PCDHGB6: variants seen among roughly 807,000 people sequenced by gnomAD.
PCDHGB6 encodes the protein protocadherin gamma subfamily B, 6.
A neutral mutation model predicts 59.1 loss-of-function variants in PCDHGB6; 51 were observed. That is an observed-to-expected ratio of 0.86 (90% CI 0.69 to 1.09). The LOEUF (loss-of-function observed/expected upper bound fraction) is 1.09, where lower values mean the gene tolerates loss of function less well. PCDHGB6 is among the 50% of genes least tolerant of loss of function. The pLI is 0.00. For synonymous variants in PCDHGB6, 466 were observed against 495.1 expected, an observed-to-expected ratio of 0.94 and a Z score of 0.78; for missense variants, 1,148 against 1,205.1, an observed-to-expected ratio of 0.95 and a Z score of 0.70.
chr5:141,487,670 T>A lies in PCDHGB6; in HGVS notation c.2419-7137T>A. The A allele has an allele frequency of 6.2e-7, 1 of 1,612,302 alleles. No homozygotes were observed. Among genetic ancestry groups the A allele is most frequent in the Non-Finnish European group, 8.5e-7 (1 of 1,179,082 alleles). ...TGAGGGTTATTCTGATCCAGGCATA[T>A]GGCTAGGCCATGTCCTAGAGAGTAC... On this transcript the variant is annotated intron_variant, in intron 1 of 3. Transcript: ENST00000520790. This position sits in a 1 kb window ranked among gnomAD's most constrained non-coding sequence, Gnocchi z 5.0.
At position 141,431,782 on chromosome 5, in the gene PCDHGB6, C is replaced by A. The variant is rs767269112; in HGVS notation, c.2418+21162C>A. The A allele has an allele frequency of 6.2e-7, 1 of 1,614,082 alleles. No homozygotes were observed. On this transcript the variant is annotated intron_variant, in intron 1 of 3. Transcript: ENST00000520790. This position sits in a 1 kb window ranked among gnomAD's most constrained non-coding sequence, Gnocchi z 4.8. Reference sequence around the variant, plus strand: ...TCCTGATCACTGTTCTGGACGTGAACGACAATGCCCCAGAAGTGGTCCTCA... The same window carrying A: ...TCCTGATCACTGTTCTGGACGTGAAAGACAATGCCCCAGAAGTGGTCCTCA...
rs2099748179 is a variant in PCDHGB6 at position 141,493,421 on chromosome 5, T to G, written c.2419-1386T>G. Among the ~76,000 whole-genome samples the G allele has an allele frequency of 6.6e-6, 1 of 152,182 alleles. No individual in the cohort carries two copies. Among genetic ancestry groups the G allele is most frequent in the South Asian group, 2.1e-4 (1 of 4,830 alleles). On this transcript the variant is annotated intron_variant, in intron 1 of 3. Coordinates refer to ENST00000520790, the MANE Select transcript of PCDHGB6 (RefSeq NM_018926.3). The surrounding 1 kb of genome is among the most constrained non-coding windows in gnomAD (Gnocchi z 4.3). Reference sequence around the variant, plus strand: ...GGAGTTGCCTCTGCTGGGATTTTGCTTCTGCTGGGATGGGGCAAGGGTGGG... The same window carrying G: ...GGAGTTGCCTCTGCTGGGATTTTGCGTCTGCTGGGATGGGGCAAGGGTGGG...
chr5:141,470,768 G>T (rs2099239559), intron 1 of PCDHGB6, among the ~76,000 whole-genome samples: 1 of 152,142 alleles, frequency 6.6e-6, no homozygotes, highest in South Asian at 2.1e-4. Context: ...ACTCACTACA[G>T]TCTTGAATTC....
At position 141,431,363 on chromosome 5, in the gene PCDHGB6, C is replaced by T. The variant is rs765751691; in HGVS notation, c.2418+20743C>T. On this transcript the variant is annotated intron_variant, in intron 1 of 3. Transcript: ENST00000520790. The surrounding 1 kb of genome is among the most constrained non-coding windows in gnomAD (Gnocchi z 4.8). The stretch of plus-strand genomic sequence containing the variant: ...ATTGGTGCTGAAACGCGCCCTGGAC[C>T]GCGAAGAAAAGGCTGCTCACCACCT... 1 of 1,614,024 alleles carries T rather than the reference C, an allele frequency of 6.2e-7. No homozygotes were observed. The highest frequency in any genetic ancestry group is 2.2e-5 in the East Asian group (1 of 44,882).
Position 141,431,051 on chromosome 5 carries a change from G to C in PCDHGB6, c.2418+20431G>C, listed in dbSNP as rs1280440001. On this transcript the variant is annotated intron_variant, in intron 1 of 3. Coordinates refer to ENST00000520790, the MANE Select transcript of PCDHGB6 (RefSeq NM_018926.3). This position sits in a 1 kb window ranked among gnomAD's most constrained non-coding sequence, Gnocchi z 4.8. ...GATAGACCGGGAGGAGCTCTGTATGGGGGCCATCAAGTGTCAATTAAATCT... is the reference window on the plus strand; with the variant it reads ...GATAGACCGGGAGGAGCTCTGTATGCGGGCCATCAAGTGTCAATTAAATCT... 3 of 1,614,218 alleles carry C rather than the reference G, an allele frequency of 1.9e-6. No homozygotes were observed. Among genetic ancestry groups the C allele is most frequent in the East Asian group, 2.2e-5 (1 of 44,886 alleles).
At chr5:141,418,946 G>A in intron 1 of PCDHGB6, 3 of 1,614,018 alleles carry the variant, frequency 1.9e-6, no homozygotes, top group South Asian at 1.1e-5. Flanking sequence ...TTCCCCTCCA[G>A]GAGTGGTTGT....
intron 2 of PCDHGB6, among the ~76,000 whole-genome samples, chr5:141,495,521 C>G (rs1385879589): frequency 6.6e-6 from 1 of 152,144 alleles, no homozygotes; most frequent in Non-Finnish European, 1.5e-5. Flanking sequence ...TTTCTCTTAC[C>G]TCTCAGTCCT....
chr5:141,482,562 C>A (rs1030078543), intron 1 of PCDHGB6, among the ~76,000 whole-genome samples: 68 of 142,616 alleles, frequency 4.8e-4, no homozygotes, highest in African/African-American at 1.8e-3. Flanking sequence ...TAATGGAGAT[C>A]TGCATAGCAT....
Position 141,505,420 on chromosome 5 carries a change from C to G in PCDHGB6, c.2505C>G (p.Thr835=), listed in dbSNP as rs1236398971. 6.2e-7 allele frequency: 1 copy of G among 1,614,102 alleles called. No individual in the cohort carries two copies. Among genetic ancestry groups the G allele is most frequent in the Non-Finnish European group, 8.5e-7 (1 of 1,180,034 alleles). ...SGSQNGDDTG[T]WPNNQFDTEM... is the part of the protein sequence containing the mutation. ...CCCAAAATGGCGATGACACCGGCACCTGGCCCAACAACCAGTTTGACACAG... is the reference window on the plus strand; with the variant it reads ...CCCAAAATGGCGATGACACCGGCACGTGGCCCAACAACCAGTTTGACACAG... The change falls in exon 3 of 4, where the codon ACC becomes ACG. Residue 835 remains threonine (T), a synonymous_variant. Coordinates refer to ENST00000520790, the MANE Select transcript of PCDHGB6 (RefSeq NM_018926.3).
chr5:141,461,371 G>C (rs755281402), intron 1 of PCDHGB6, among the ~76,000 whole-genome samples: 1 of 152,084 alleles, frequency 6.6e-6, no homozygotes, highest in Non-Finnish European at 1.5e-5. Context: ...GTTTTAATTT[G>C]CATTTTCCTG....
intron 1 of PCDHGB6, among the ~76,000 whole-genome samples, chr5:141,445,248 T>C (rs1264046214): frequency 6.6e-6 from 1 of 152,224 alleles, no homozygotes; most frequent in African/African-American, 2.4e-5. Flanking sequence ...CACTATATTG[T>C]GTGAGAATAT....
chr5:141,499,485 A>G (rs1278629076), intron 2 of PCDHGB6, among the ~76,000 whole-genome samples: 2 of 152,226 alleles, frequency 1.3e-5, no homozygotes, highest in Non-Finnish European at 2.9e-5. Flanking sequence ...ACCACCAACT[A>G]CAGTTTAATA....
At chr5:141,455,959 G>A (rs112864392) in intron 1 of PCDHGB6, among the ~76,000 whole-genome samples, 2 of 150,430 alleles carry the variant, frequency 1.3e-5, no homozygotes. Flanking sequence ...GTGCAGTGGC[G>A]CGATCTCAGC....
chr5:141,509,810 G>T (rs1272295976), intron 3 of PCDHGB6, among the ~76,000 whole-genome samples: 1 of 152,154 alleles, frequency 6.6e-6, no homozygotes, highest in East Asian at 1.9e-4. Flanking sequence ...ATAGAGCCGA[G>T]CTCTTCTCCA....
At chr5:141,422,957 A>C in intron 1 of PCDHGB6, 1 of 1,614,190 alleles carries the variant, frequency 6.2e-7, no homozygotes. Flanking sequence ...ACTGGCGTGG[A>C]GCTGGCGCCC....
At chr5:141,510,879 G>T in intron 3 of PCDHGB6, 68 bp from the exon 4 acceptor site, 1 of 1,611,520 alleles carries the variant, frequency 6.2e-7, no homozygotes, top group Non-Finnish European at 8.5e-7. Flanking sequence ...TAACTGCTGG[G>T]GATATAAGAC....
intron 1 of PCDHGB6, among the ~76,000 whole-genome samples, chr5:141,466,757 T>G (rs1486124876): frequency 6.6e-6 from 1 of 152,224 alleles, no homozygotes; most frequent in Non-Finnish European, 1.5e-5. Context: ...AGGGGCTCTT[T>G]TCAAACTGTT....
intron 1 of PCDHGB6, chr5:141,418,804 T>C (rs368948947): frequency 3.3e-5 from 54 of 1,613,718 alleles, no homozygotes; most frequent in African/African-American, 5.3e-5. Flanking sequence ...TAGAAAGATA[T>C]ACGATAAACA....
chr5:141,415,461 T>G, intron 1 of PCDHGB6: 1 of 1,614,180 alleles, frequency 6.2e-7, no homozygotes, highest in African/African-American at 1.3e-5. Flanking sequence ...ACGAGGTCTC[T>G]CTCACCGCGG....
Sources: gnomAD v4.1 joint callset for allele counts (sites outside exome capture counted in the v4.1 genomes callset) on GRCh38, gnomAD v4.1.1 for gene constraint, Gnocchi (gnomAD v3.1) non-coding constraint, MANE v1.5 for transcripts, NCBI Gene and HGNC (gene_info 2026-07-23, HGNC 2026-07-21) for gene names.